Variants in COL5A2 observed in about 807,000 individuals in gnomAD.
The protein encoded by COL5A2 is collagen type V alpha 2 chain, also known as collagen alpha-2(V) chain.
A neutral mutation model predicts 208.2 loss-of-function variants in COL5A2; 23 were observed. The observed-to-expected ratio is 0.11, with a 90% CI of 0.08 to 0.16. COL5A2 has a LOEUF of 0.16. COL5A2 is among the 10% of genes least tolerant of loss of function. The pLI is 1.00. For missense variants in COL5A2, 1,590 were observed against 1,956.4 expected (o/e 0.81, Z 3.53); for synonymous variants, 625 against 628.5 (o/e 0.99, Z 0.08).
At chr2:189,422,650 CAGT>C in the COL5A2 span, among the ~76,000 whole-genome samples, 1 of 152,124 alleles carries the variant, frequency 6.6e-6, no homozygotes, top group Non-Finnish European at 1.5e-5. Context: ...GTTTTAAATT[CAGT>C]AAGATTGAAA....
the COL5A2 span, among the ~76,000 whole-genome samples, chr2:189,357,763 GAA>G: frequency 3.1e-4 from 39 of 123,990 alleles, no homozygotes; most frequent in African/African-American, 1.0e-3. Flanking sequence ...ACTCGGGTAT[GAA>G]AAAAAAAAAA....
At chr2:189,049,155 G>A (rs769757858) in intron 44 of COL5A2, among the ~76,000 whole-genome samples, 192 bp downstream of exon 44, 6 of 152,128 alleles carry the variant, frequency 3.9e-5, no homozygotes, top group Non-Finnish European at 7.3e-5. Context: ...CAAAGACACC[G>A]ATCCTATTAC....
intron 1 of COL5A2, among the ~76,000 whole-genome samples, chr2:189,153,549 A>ACAGGAAAGATAG (rs1688186954): frequency 6.6e-6 from 1 of 152,198 alleles, no homozygotes; most frequent in Non-Finnish European, 1.5e-5. Context: ...ATCAATAGTT[A>ACAGGAAAGATAG]CAGGAAAGAT....
rs759960951 is a variant in COL5A2, at chr2:189,168,606, C to T, written c.97+10902G>A. ...GCATAAATGAATCTGAGAGGTTCTT[C>T]TACCTCAAGAGCAAATAAGCCTATT... On this transcript the variant is annotated intron_variant, in intron 1 of 53. Coordinates refer to ENST00000374866, the MANE Select transcript of COL5A2 (RefSeq NM_000393.5). Among the ~76,000 whole-genome samples the T allele has an allele frequency of 4.4e-4, 67 of 152,160 alleles. 1 individual carries two copies. The South Asian group carries it at 4.6e-3, about 10-fold the overall frequency.
chr2:189,097,429 C>T (rs1576524882), intron 5 of COL5A2, 99 bp from the exon 6 acceptor site: 1 of 1,212,554 alleles, frequency 8.2e-7, no homozygotes, highest in East Asian at 2.4e-5. Context: ...AACAGAAATA[C>T]CACACTTAAT....
chr2:189,220,596 A>G (rs1576589761), intron 1 of COL5A2, among the ~76,000 whole-genome samples: 1 of 152,212 alleles, frequency 6.6e-6, no homozygotes, highest in East Asian at 1.9e-4. Flanking sequence ...TCACTTAGAT[A>G]TACATTCCAA....
intron 52 of COL5A2, 59 bp downstream of exon 52, chr2:189,036,557 A>G (rs1405336834): frequency 5.0e-6 from 7 of 1,397,386 alleles, no homozygotes; most frequent in Non-Finnish European, 6.9e-6. Context: ...ATAAATCAAA[A>G]ATATGTAATA....
At chr2:189,336,100 TAAAG>T in the COL5A2 span, among the ~76,000 whole-genome samples, 3 of 152,096 alleles carry the variant, frequency 2.0e-5, no homozygotes, top group East Asian at 3.9e-4. Flanking sequence ...AGACACCTCA[TAAAG>T]AAAGACATGG....
intron 1 of COL5A2, among the ~76,000 whole-genome samples, chr2:189,138,041 G>C (rs13019651): frequency 0.77 from 117,726 of 152,018 alleles, 48,917 homozygotes; most frequent in South Asian, 0.91. Context: ...GTGGCATGAT[G>C]TCGGCTCACT....
At chr2:189,270,452 C>T in the COL5A2 span, among the ~76,000 whole-genome samples, 6 of 152,178 alleles carry the variant, frequency 3.9e-5, no homozygotes, top group East Asian at 7.7e-4. Context: ...TTTCAAAGAA[C>T]GTATTCGTTT....
intron 49 of COL5A2, among the ~76,000 whole-genome samples, chr2:189,042,116 T>C (rs532984012): frequency 6.6e-6 from 1 of 152,314 alleles, no homozygotes; most frequent in South Asian, 2.1e-4. Context: ...GTTTACACTG[T>C]ATTCAGATAT....
At chr2:189,314,418 G>T in the COL5A2 span, among the ~76,000 whole-genome samples, 1 of 152,052 alleles carries the variant, frequency 6.6e-6, no homozygotes, top group African/African-American at 2.4e-5. Flanking sequence ...ACACACCAGA[G>T]TCTCTGGGAC....
At chr2:189,197,001 TA>T (rs748511883) in intron 1 of COL5A2, among the ~76,000 whole-genome samples, 8 of 152,034 alleles carry the variant, frequency 5.3e-5, no homozygotes, top group Admixed American at 2.6e-4. Context: ...TACACACGTA[TA>T]TTTTTTTTGC....
intron 1 of COL5A2, among the ~76,000 whole-genome samples, chr2:189,196,927 C>T (rs1161854241): frequency 2.6e-5 from 4 of 151,958 alleles, no homozygotes; most frequent in Non-Finnish European, 5.9e-5. Context: ...TACCATTTGA[C>T]CCAGCAATCC....
intron 1 of COL5A2, among the ~76,000 whole-genome samples, chr2:189,126,325 C>A (rs1343540830): frequency 6.6e-6 from 1 of 151,844 alleles, no homozygotes; most frequent in Non-Finnish European, 1.5e-5. Context: ...TGGAAAATTT[C>A]TTTAAGTTGT....
At chr2:189,080,888 G>A (rs1368580411) in intron 13 of COL5A2, 102 bp downstream of exon 13, 2 of 961,592 alleles carry the variant, frequency 2.1e-6, no homozygotes, top group African/African-American at 1.6e-5. Flanking sequence ...GACAGTTAAG[G>A]ACAATTGACA....
chr2:189,366,783 T>C, the COL5A2 span, among the ~76,000 whole-genome samples: 1 of 152,214 alleles, frequency 6.6e-6, no homozygotes, highest in African/African-American at 2.4e-5. Flanking sequence ...AAGTGTTAGC[T>C]ACATGCAGGG....
the COL5A2 span, among the ~76,000 whole-genome samples, chr2:189,338,902 T>C: frequency 6.6e-6 from 1 of 152,080 alleles, no homozygotes. Flanking sequence ...TCGTTGACTC[T>C]TGGCTATTCC....
At chr2:189,363,332 T>C in the COL5A2 span, among the ~76,000 whole-genome samples, 4 of 152,078 alleles carry the variant, frequency 2.6e-5, no homozygotes, top group African/African-American at 7.2e-5. Context: ...CCAGGAAGCA[T>C]ATTTCTTATA....
Sources: gnomAD v4.1 joint callset for allele counts (sites outside exome capture counted in the v4.1 genomes callset) on GRCh38, gnomAD v4.1.1 for gene constraint, MANE v1.5 for transcripts, NCBI Gene and HGNC (gene_info 2026-07-23, HGNC 2026-07-21) for gene names.